NRXN3: variants seen among roughly 807,000 people sequenced by gnomAD.
The protein encoded by NRXN3 is neurexin III.
A neutral mutation model predicts 137.6 loss-of-function variants in NRXN3; 32 were observed. The observed-to-expected ratio is 0.23, with a 90% CI of 0.18 to 0.31. The LOEUF (loss-of-function observed/expected upper bound fraction) is 0.31, where lower values mean the gene tolerates loss of function less well. NRXN3 is among the 10% of genes least tolerant of loss of function. The pLI, the probability that NRXN3 is intolerant of heterozygous loss-of-function variation, is 1.00. For synonymous variants in NRXN3, 798 were observed against 784.5 expected (o/e 1.02, Z -0.29); for missense variants, 1,574 against 2,062.5 (o/e 0.76, Z 4.59).
At chr14:78,458,067 A>T (rs1312837353) in intron 4 of NRXN3, among the ~76,000 whole-genome samples, 1 of 152,138 alleles carries the variant, frequency 6.6e-6, no homozygotes, top group African/African-American at 2.4e-5. Flanking sequence ...CTAGAATATG[A>T]GCAAATCTTC....
intron 4 of NRXN3, among the ~76,000 whole-genome samples, chr14:78,563,647 A>T (rs1248200222): frequency 1.3e-5 from 2 of 152,232 alleles, no homozygotes; most frequent in Non-Finnish European, 2.9e-5. Flanking sequence ...GCACTGACAG[A>T]TCTCTTCCTT....
intron 15 of NRXN3, among the ~76,000 whole-genome samples, chr14:79,334,830 A>G (rs923615552): frequency 1.3e-5 from 2 of 152,140 alleles, no homozygotes; most frequent in Non-Finnish European, 2.9e-5. Context: ...GGACCTGATA[A>G]TGAATCATTA....
intron 19 of NRXN3, among the ~76,000 whole-genome samples, chr14:79,749,794 A>T (rs905066813): frequency 4.6e-5 from 7 of 151,752 alleles, no homozygotes; most frequent in Non-Finnish European, 1.0e-4. Context: ...TTTTTATTGC[A>T]TGTCTGAATA....
intron 10 of NRXN3, among the ~76,000 whole-genome samples, chr14:78,909,203 T>A (rs1280304971): frequency 6.6e-6 from 1 of 152,122 alleles, no homozygotes; most frequent in African/African-American, 2.4e-5. Context: ...AGAAGAGTTG[T>A]GACAGGAGAT....
At chr14:78,331,807 G>A (rs2080850297) in intron 4 of NRXN3, among the ~76,000 whole-genome samples, 1 of 152,124 alleles carries the variant, frequency 6.6e-6, no homozygotes, top group Non-Finnish European at 1.5e-5. Flanking sequence ...TGGAATGAGA[G>A]TGCTTGATTA....
chr14:79,678,062 A>C (rs2098650078), intron 17 of NRXN3, among the ~76,000 whole-genome samples: 1 of 152,158 alleles, frequency 6.6e-6, no homozygotes, highest in African/African-American at 2.4e-5. Flanking sequence ...TAAAACAATC[A>C]ATATAATTGT....
At chr14:78,808,602 A>T (rs1047964152) in intron 9 of NRXN3, among the ~76,000 whole-genome samples, 2 of 151,974 alleles carry the variant, frequency 1.3e-5, no homozygotes, top group South Asian at 2.1e-4. Context: ...CTGTCTGGTA[A>T]TCATACCGGT....
chr14:79,692,480 C>T (rs1216605667), intron 18 of NRXN3, among the ~76,000 whole-genome samples: 4 of 152,050 alleles, frequency 2.6e-5, no homozygotes, highest in Non-Finnish European at 4.4e-5. Context: ...AACTTCTAGC[C>T]TGCTATCAGC....
chr14:79,393,714 C>G (rs933869416), intron 15 of NRXN3, among the ~76,000 whole-genome samples: 2 of 152,120 alleles, frequency 1.3e-5, no homozygotes, highest in Non-Finnish European at 2.9e-5. Flanking sequence ...ACTCGGGAGG[C>G]TGAGGCAGGA....
chr14:79,590,245 G>A (rs572445607), intron 16 of NRXN3, among the ~76,000 whole-genome samples: 3 of 151,866 alleles, frequency 2.0e-5, no homozygotes, highest in African/African-American at 4.8e-5. Context: ...TATTGAATAA[G>A]TCTCAGAAAG....
intron 15 of NRXN3, among the ~76,000 whole-genome samples, chr14:79,236,527 A>T (rs2073394401): frequency 6.6e-6 from 1 of 152,078 alleles, no homozygotes; most frequent in African/African-American, 2.4e-5. Context: ...ATAGCATTAA[A>T]CTGAATATTA....
At chr14:79,536,766 A>C (rs1601786087) in intron 16 of NRXN3, among the ~76,000 whole-genome samples, 1 of 152,064 alleles carries the variant, frequency 6.6e-6, no homozygotes, top group African/African-American at 2.4e-5. Flanking sequence ...AGCTCCCTCC[A>C]TGTCCCTGAA....
chr14:78,602,865 C>G (rs1601181917), intron 4 of NRXN3, among the ~76,000 whole-genome samples: 1 of 152,092 alleles, frequency 6.6e-6, no homozygotes, highest in East Asian at 1.9e-4. Context: ...TTGAGAATGA[C>G]CTTAGCTAGG....
chr14:79,346,114 A>G (rs2092865630), intron 15 of NRXN3, among the ~76,000 whole-genome samples: 1 of 152,094 alleles, frequency 6.6e-6, no homozygotes, highest in African/African-American at 2.4e-5. Context: ...AACCAGAGTT[A>G]TTATTTAGAA....
At chr14:79,550,416 C>T (rs911165592) in intron 16 of NRXN3, among the ~76,000 whole-genome samples, 1 of 152,312 alleles carries the variant, frequency 6.6e-6, no homozygotes, top group African/African-American at 2.4e-5. Flanking sequence ...TTCTATAGGA[C>T]ATATCACAGC....
At chr14:78,860,924 T>C (rs2152525763) in intron 10 of NRXN3, among the ~76,000 whole-genome samples, 1 of 152,088 alleles carries the variant, frequency 6.6e-6, no homozygotes, top group East Asian at 1.9e-4. Flanking sequence ...AAAATACACA[T>C]ATGAGTGGAC....
intron 1 of NRXN3, among the ~76,000 whole-genome samples, chr14:78,200,631 C>T (rs1198953403): frequency 2.0e-5 from 3 of 152,152 alleles, no homozygotes; most frequent in Non-Finnish European, 4.4e-5. Context: ...ACAGATCTTG[C>T]AGCTCTCAGG....
At chr14:79,195,640 C>T (rs1309126525) in intron 15 of NRXN3, among the ~76,000 whole-genome samples, 2 of 152,168 alleles carry the variant, frequency 1.3e-5, no homozygotes, top group African/African-American at 4.8e-5. Flanking sequence ...AATACTTCCT[C>T]ACCCACCACA....
At chr14:79,435,893 C>T (rs544101419) in intron 15 of NRXN3, among the ~76,000 whole-genome samples, 317 of 152,148 alleles carry the variant, frequency 2.1e-3, no homozygotes, top group Non-Finnish European at 3.2e-3. Flanking sequence ...CTCGGCCTCC[C>T]AAAGTGCTAG....
Sources: allele counts gnomAD v4.1 joint callset (sites outside exome capture counted in the v4.1 genomes callset), GRCh38; gene constraint gnomAD v4.1.1; transcripts MANE v1.5; gene names NCBI Gene and HGNC (gene_info 2026-07-23, HGNC 2026-07-21).